Variants in TOX observed in about 807,000 individuals in gnomAD.
TOX encodes thymocyte selection-associated high mobility group box protein TOX.
In TOX, 11 loss-of-function variants were observed where a neutral mutation model predicts 53.7. The ratio of observed to expected loss-of-function variants is 0.20; its 90% confidence interval spans 0.13 to 0.34. The LOEUF (loss-of-function observed/expected upper bound fraction) is 0.34, where lower values mean the gene tolerates loss of function less well. TOX is among the 10% of genes least tolerant of loss of function. The probability of loss-of-function intolerance (pLI) is 1.00; values close to 1 mark genes in which losing one functional copy is unlikely to be tolerated. For missense variants in TOX, 570 were observed against 664.6 expected, an observed-to-expected ratio of 0.86 and a Z score of 1.56; for synonymous variants, 225 against 245.3, an observed-to-expected ratio of 0.92 and a Z score of 0.77.
At position 58,815,626 on chromosome 8, in the gene TOX, G is replaced by A. The variant is rs562866357; in HGVS notation, c.1104C>T (p.Ala368=). The A allele has an allele frequency of 4.3e-6, 7 of 1,614,150 alleles. No homozygotes were observed. The highest frequency in any genetic ancestry group is 5.9e-6 in the Non-Finnish European group (7 of 1,180,034). The change falls in exon 7 of 9, where the codon GCC becomes GCT. Residue 368 remains alanine, a synonymous_variant. Transcript: ENST00000361421. ...GGTGATAGTGGGAACTTAGGTACAGGGCCGAGTGGGCCTGGCTGGGCCCAT... is the reference window on the plus strand; with the variant it reads ...GGTGATAGTGGGAACTTAGGTACAGAGCCGAGTGGGCCTGGCTGGGCCCAT... ...VFHGPSQAHS[A]LYLSSHYHQQ...
At chr8:59,051,209 T>C (rs1803783488) in intron 1 of TOX, among the ~76,000 whole-genome samples, 2 of 152,130 alleles carry the variant, frequency 1.3e-5, no homozygotes, top group South Asian at 4.1e-4. Context: ...TGAGGCAGAT[T>C]TGGTCCCTTA....
chr8:58,855,105 T>G (rs1810891983), intron 3 of TOX, among the ~76,000 whole-genome samples: 1 of 152,186 alleles, frequency 6.6e-6, no homozygotes, highest in Admixed American at 6.5e-5. Context: ...CATGCTTAAT[T>G]GCAATGGTTG....
chr8:58,854,620 T>C (rs1468288615), intron 3 of TOX, among the ~76,000 whole-genome samples: 1 of 152,056 alleles, frequency 6.6e-6, no homozygotes, highest in Non-Finnish European at 1.5e-5. Context: ...CTTTCCACAG[T>C]CTCATCATTA....
intron 1 of TOX, among the ~76,000 whole-genome samples, chr8:59,094,043 A>G (rs1372971258): frequency 6.6e-6 from 1 of 152,214 alleles, no homozygotes; most frequent in African/African-American, 2.4e-5. Flanking sequence ...TATAATAAAC[A>G]AAATAAAAAG....
intron 1 of TOX, among the ~76,000 whole-genome samples, chr8:59,034,171 G>A (rs1276952558): frequency 6.6e-6 from 1 of 152,212 alleles, no homozygotes; most frequent in African/African-American, 2.4e-5. Context: ...ATCCCGTGCA[G>A]TTTGAGAGAT....
intron 5 of TOX, among the ~76,000 whole-genome samples, chr8:58,827,365 A>C (rs921997182): frequency 6.6e-6 from 1 of 152,202 alleles, no homozygotes. Context: ...TCAATAAGCA[A>C]ATCAAAGGAA....
intron 3 of TOX, among the ~76,000 whole-genome samples, chr8:58,932,337 T>C (rs1041822033): frequency 6.6e-6 from 1 of 152,138 alleles, no homozygotes; most frequent in African/African-American, 2.4e-5. Flanking sequence ...GGCATAATGC[T>C]AAATAATTGT....
intron 4 of TOX, among the ~76,000 whole-genome samples, chr8:58,847,341 A>G (rs956604564): frequency 1.3e-5 from 2 of 152,154 alleles, no homozygotes; most frequent in Admixed American, 1.3e-4. Flanking sequence ...AAGAGCAAGC[A>G]ACTAAAGAAA....
intron 1 of TOX, among the ~76,000 whole-genome samples, chr8:59,038,879 T>A (rs963090303): frequency 1.3e-5 from 2 of 152,252 alleles, no homozygotes; most frequent in African/African-American, 4.8e-5. Flanking sequence ...AGGGACAGCG[T>A]CCTGCTCTCC....
intron 1 of TOX, among the ~76,000 whole-genome samples, chr8:59,007,447 A>T (rs553970699): frequency 6.6e-6 from 1 of 152,324 alleles, no homozygotes; most frequent in East Asian, 1.9e-4. Context: ...CTGGAGTTTA[A>T]GAACAGTATA....
At chr8:58,942,200 C>G (rs748106134) in intron 2 of TOX, among the ~76,000 whole-genome samples, 5 of 152,074 alleles carry the variant, frequency 3.3e-5, no homozygotes, top group Admixed American at 1.3e-4. Flanking sequence ...CTATAGTAGA[C>G]CACCACTTTA....
At chr8:59,047,194 C>T (rs1277204297) in intron 1 of TOX, among the ~76,000 whole-genome samples, 11 of 144,724 alleles carry the variant, frequency 7.6e-5, no homozygotes, top group African/African-American at 2.8e-4. Context: ...AACAATTCCA[C>T]CAAGAATTGT....
chr8:58,891,072 G>C (rs1477948623), intron 3 of TOX, among the ~76,000 whole-genome samples: 1 of 152,058 alleles, frequency 6.6e-6, no homozygotes, highest in East Asian at 1.9e-4. Flanking sequence ...ATGGTATCTA[G>C]GGATTCAAAG....
At chr8:58,888,769 A>T (rs1018546550) in intron 3 of TOX, among the ~76,000 whole-genome samples, 4 of 152,028 alleles carry the variant, frequency 2.6e-5, no homozygotes, top group Non-Finnish European at 5.9e-5. Flanking sequence ...TACATAATAG[A>T]AATAAATCAT....
chr8:58,913,370 C>T (rs6471760), intron 3 of TOX, among the ~76,000 whole-genome samples: 144,376 of 152,318 alleles, frequency 0.95, 68,500 homozygotes, highest in East Asian at 1. Context: ...TGTTTTCCTT[C>T]CCTTTTGGCA....
At chr8:58,844,774 C>A (rs547376000) in intron 4 of TOX, among the ~76,000 whole-genome samples, 2 of 152,144 alleles carry the variant, frequency 1.3e-5, no homozygotes, top group East Asian at 3.9e-4. Context: ...AGTTAAAGCA[C>A]TAACGAATAC....
chr8:59,059,905 G>T (rs1194348752), intron 1 of TOX, among the ~76,000 whole-genome samples: 2 of 109,826 alleles, frequency 1.8e-5, no homozygotes, highest in African/African-American at 5.4e-5. Context: ...ATGTTATGTT[G>T]TAAAAAAAAA....
chr8:58,815,092 A>AC (rs34898064), intron 7 of TOX, among the ~76,000 whole-genome samples: 19,457 of 152,250 alleles, frequency 0.13, 1,416 homozygotes, highest in South Asian at 0.21. Flanking sequence ...TGGGAAAGAA[A>AC]CCAGTGATTA....
chr8:59,105,238 G>C (rs1804880281), intron 1 of TOX, among the ~76,000 whole-genome samples: 1 of 152,122 alleles, frequency 6.6e-6, no homozygotes, highest in Admixed American at 6.5e-5. Context: ...CAGTGACACA[G>C]CCTTAAGTGA....
Sources: gnomAD v4.1 joint callset for allele counts (sites outside exome capture counted in the v4.1 genomes callset) on GRCh38, gnomAD v4.1.1 for gene constraint, MANE v1.5 for transcripts, NCBI Gene and HGNC (gene_info 2026-07-23, HGNC 2026-07-21) for gene names.